Variants in NPIPA8 observed in about 807,000 individuals in gnomAD.
The protein encoded by NPIPA8 is nuclear pore complex interacting protein family member A8.
NPIPA8 carries 1 observed loss-of-function variant against 7.1 expected under a neutral mutation model. The observed-to-expected ratio is 0.14, with a 90% CI of 0.05 to 0.66. NPIPA8 has a LOEUF of 0.66. Ranked by LOEUF, NPIPA8 falls within the 30% of genes least tolerant of loss-of-function variation. The pLI, the probability that NPIPA8 is intolerant of heterozygous loss-of-function variation, is 0.84.
chr16:18,335,923 C>T (rs1400008644), upstream of NPIPA8, among the ~76,000 whole-genome samples: 3 of 148,100 alleles, frequency 2.0e-5, no homozygotes, highest in Non-Finnish European at 4.5e-5. Context: ...TGGGTTCATG[C>T]CATTCTCCTG....
Position 18,324,802 on chromosome 16 carries a change from A to T in NPIPA8, c.193-304T>A, listed in dbSNP as rs1183833636. On this transcript the variant is annotated intron_variant, in intron 2 of 7. Coordinates refer to ENST00000541810, the Ensembl canonical transcript of NPIPA8. Reference sequence around the variant, plus strand: ...CTGAGCGACAGAATGAGACTCTGTCACACACACACACACACACACACACAC... The same window carrying T: ...CTGAGCGACAGAATGAGACTCTGTCTCACACACACACACACACACACACAC... Among the ~76,000 whole-genome samples, 15 of 63,452 alleles carry T rather than the reference A, an allele frequency of 2.4e-4. 1 individual carries two copies. The highest frequency in any genetic ancestry group is 5.0e-4 in the Admixed American group (3 of 6,054). The allele number at this position is 63,452 out of a possible 152,430, so 41.6% of individuals were successfully genotyped here.
At chr16:18,335,446 C>T (rs1460435900), upstream of NPIPA8, among the ~76,000 whole-genome samples, 142 of 114,560 alleles carry the variant, frequency 1.2e-3, no homozygotes, top group African/African-American at 4.9e-3. Flanking sequence ...GTGATCTGCC[C>T]GCCTCCGCCT....
At chr16:18,335,934 C>T (rs1157626738), upstream of NPIPA8, among the ~76,000 whole-genome samples, 1 of 149,452 alleles carries the variant, frequency 6.7e-6, no homozygotes, top group Non-Finnish European at 1.5e-5. Context: ...CATTCTCCTG[C>T]CTCAGCCTCT....
chr16:18,324,903 G>A (rs1163773552), intron 2 of NPIPA8, among the ~76,000 whole-genome samples: 1 of 88,884 alleles, frequency 1.1e-5, no homozygotes, highest in Non-Finnish European at 2.2e-5. Flanking sequence ...GGGAGGCCGA[G>A]GCAGGCGGAT....
At chr16:18,335,490 A>G (rs75305005), upstream of NPIPA8, among the ~76,000 whole-genome samples, 1,805 of 105,750 alleles carry the variant, frequency 0.017, 1 homozygote, top group African/African-American at 0.025. Context: ...GTGAGCCACC[A>G]CGCCCGGCCA....
At chr16:18,335,408 A>C (rs1900152707), upstream of NPIPA8, among the ~76,000 whole-genome samples, 2 of 105,704 alleles carry the variant, frequency 1.9e-5, no homozygotes, top group South Asian at 3.0e-4. Flanking sequence ...TGTGTTGGCC[A>C]GGCTGGTCTT....
intron 2 of NPIPA8, among the ~76,000 whole-genome samples, chr16:18,325,433 C>CA (rs1211082418): frequency 0.01 from 1 of 98 alleles, no homozygotes; most frequent in African/African-American, 0.056. Context: ...GACTCTGTCT[C>CA]AAAAAAAAAA....
upstream of NPIPA8, among the ~76,000 whole-genome samples, chr16:18,335,610 T>C (rs1900159374): frequency 9.4e-6 from 1 of 106,714 alleles, no homozygotes; most frequent in Non-Finnish European, 1.9e-5. Flanking sequence ...CTTCTCTGTG[T>C]GCTGCTGGGG....
At chr16:18,335,944 T>C (rs1900170730), upstream of NPIPA8, among the ~76,000 whole-genome samples, 1 of 150,068 alleles carries the variant, frequency 6.7e-6, no homozygotes, top group Non-Finnish European at 1.5e-5. Context: ...CCTCAGCCTC[T>C]CGAGTAGCTG....
upstream of NPIPA8, among the ~76,000 whole-genome samples, chr16:18,335,939 G>A (rs1179563920): frequency 6.7e-6 from 1 of 149,894 alleles, no homozygotes; most frequent in Non-Finnish European, 1.5e-5. Flanking sequence ...TCCTGCCTCA[G>A]CCTCTCGAGT....
chr16:18,335,720 T>C (rs1900162730), upstream of NPIPA8, among the ~76,000 whole-genome samples: 1 of 125,488 alleles, frequency 8.0e-6, no homozygotes, highest in South Asian at 2.6e-4. Flanking sequence ...CCTGCTGTAT[T>C]CTTGGAAAGA....
At position 18,324,800 on chromosome 16, in the gene NPIPA8, T is replaced by TCACACACA. The variant is rs529158643; in HGVS notation, c.193-310_193-303dup. Among the ~76,000 whole-genome samples, 129 of 58,506 alleles carry TCACACACA rather than the reference T, an allele frequency of 2.2e-3. 3 individuals are homozygous for TCACACACA. The highest frequency in any genetic ancestry group is 8.5e-3 in the East Asian group (22 of 2,584). The allele number at this position is 58,506 out of a possible 152,430, so 38.4% of individuals were successfully genotyped here. A position where few individuals can be genotyped will look rare whatever the true frequency, so the allele number is the denominator to read the frequency against. ...GCCTGAGCGACAGAATGAGACTCTGTCACACACACACACACACACACACAC... is the reference window on the plus strand; with the variant it reads ...GCCTGAGCGACAGAATGAGACTCTGTCACACACACACACACACACACACACACACACAC... On this transcript the variant is annotated intron_variant, in intron 2 of 7. Coordinates refer to ENST00000541810, the Ensembl canonical transcript of NPIPA8.
chr16:18,323,819 GAAAAAAAAAA>G (rs1162097124), intron 4 of NPIPA8, among the ~76,000 whole-genome samples: 72 of 33,104 alleles, frequency 2.2e-3, no homozygotes, highest in Non-Finnish European at 3.1e-3. Flanking sequence ...CCCATCTCAG[GAAAAAAAAAA>G]AAAAAAAAAA....
intron 2 of NPIPA8, among the ~76,000 whole-genome samples, chr16:18,325,175 G>A (rs112348006): frequency 6.3e-4 from 47 of 74,206 alleles, no homozygotes; most frequent in Non-Finnish European, 7.8e-4. Context: ...TGTAGCTCAC[G>A]CCTGTAATCC....
rs1381428263 is a variant in NPIPA8, at chr16:18,323,382, G to A, written c.437+709C>T. Among the ~76,000 whole-genome samples, 21 of 12,014 alleles carry A rather than the reference G, an allele frequency of 1.7e-3. No individual in the cohort carries two copies. The East Asian group carries it at 0.02, about 11-fold the overall frequency. The allele number at this position is 12,014 out of a possible 152,430, so 7.9% of individuals were successfully genotyped here. On this transcript the variant is annotated intron_variant, in intron 4 of 7. Transcript: ENST00000541810. Reference sequence around the variant, plus strand: ...AAAAAAAAAATTGGCCGAATGTGGCGGCACACACCTGTAATCCAAGCTACT... The same window carrying A: ...AAAAAAAAAATTGGCCGAATGTGGCAGCACACACCTGTAATCCAAGCTACT...
chr16:18,336,110 C>T (rs1261892269), upstream of NPIPA8, among the ~76,000 whole-genome samples: 1 of 146,976 alleles, frequency 6.8e-6, no homozygotes, highest in African/African-American at 2.5e-5. Context: ...GCGTGAGCCA[C>T]CGTGCCTGGC....
intron 2 of NPIPA8, among the ~76,000 whole-genome samples, chr16:18,324,733 G>A (rs1277808234): frequency 2.9e-5 from 2 of 68,966 alleles, no homozygotes; most frequent in African/African-American, 1.6e-4. Context: ...GAAGCTGGGA[G>A]GCGGAGTTTG....
At position 18,323,847 on chromosome 16, in the gene NPIPA8, A is replaced by AAAAAAAAAAAAAAG. The variant is rs750129798; in HGVS notation, c.437+243_437+244insCTTTTTTTTTTTTT. Among the ~76,000 whole-genome samples, 157 of 91,584 alleles carry AAAAAAAAAAAAAAG rather than the reference A, an allele frequency of 1.7e-3. 26 individuals are homozygous for AAAAAAAAAAAAAAG. The highest frequency in any genetic ancestry group is 4.6e-3 in the East Asian group (13 of 2,844). 60.1% of individuals were successfully genotyped at this position (91,584 alleles called of 152,430 possible). A position where few individuals can be genotyped will look rare whatever the true frequency, so the allele number is the denominator to read the frequency against. ...AAAAAAAAAAAAAAAAAAAAAAAAA[A>AAAAAAAAAAAAAAG]AGAGAAAGGAAAACCAATGCCAGTA... On this transcript the variant is annotated intron_variant, in intron 4 of 7. Transcript: ENST00000541810.
intron 4 of NPIPA8, among the ~76,000 whole-genome samples, chr16:18,323,787 G>A (rs1228256402): frequency 6.5e-5 from 6 of 92,640 alleles, no homozygotes; most frequent in Non-Finnish European, 1.3e-4. Flanking sequence ...TTGAACTGCA[G>A]CCTGGGCAAC....
Sources: gnomAD v4.1 joint callset for allele counts (sites outside exome capture counted in the v4.1 genomes callset) on GRCh38, gnomAD v4.1.1 for gene constraint, MANE v1.5 for transcripts, NCBI Gene and HGNC (gene_info 2026-07-23, HGNC 2026-07-21) for gene names.